PLA2G4A: variants seen among roughly 807,000 people sequenced by gnomAD.
PLA2G4A encodes the protein phospholipase A2 group IVA, also known as cytosolic phospholipase A2.
Under a neutral mutation model 81.9 loss-of-function variants are expected in PLA2G4A, and 40 were observed. That is an observed-to-expected ratio of 0.49 (90% confidence interval 0.38 to 0.64). The LOEUF (loss-of-function observed/expected upper bound fraction) is 0.64, where lower values mean the gene tolerates loss of function less well. Among genes scored for constraint, PLA2G4A ranks in the 30% least tolerant of loss-of-function variants. The probability of loss-of-function intolerance (pLI) is 0.00; values close to 1 mark genes in which losing one functional copy is unlikely to be tolerated. For missense variants in PLA2G4A, 715 were observed against 905.1 expected (o/e 0.79, Z 2.69); for synonymous variants, 302 against 296.9 (o/e 1.02, Z -0.18).
intron 15 of PLA2G4A, 110 bp from the exon 16 acceptor site, chr1:186,977,483 G>A (rs1409747745): frequency 1.4e-6 from 1 of 723,872 alleles, no homozygotes; most frequent in Non-Finnish European, 2.5e-6. Flanking sequence ...CTAGCAAGGA[G>A]TACATTGCTG....
chr1:186,968,905 A>G (rs529354316), intron 15 of PLA2G4A, among the ~76,000 whole-genome samples: 275 of 150,916 alleles, frequency 1.8e-3, no homozygotes, highest in African/African-American at 6.5e-3. Context: ...CGAAGTAAAA[A>G]AAAATTTATA....
At chr1:186,881,511 C>G (rs1247410798) in intron 3 of PLA2G4A, among the ~76,000 whole-genome samples, 5 of 152,040 alleles carry the variant, frequency 3.3e-5, no homozygotes, top group Non-Finnish European at 7.4e-5. Flanking sequence ...GCATCTATAG[C>G]CATAACGCTT....
At chr1:186,905,698 TCACACA>T (rs71104895) in intron 5 of PLA2G4A, among the ~76,000 whole-genome samples, 1 of 148,906 alleles carries the variant, frequency 6.7e-6, no homozygotes, top group Non-Finnish European at 1.5e-5. Context: ...CTCCTCCTCC[TCACACA>T]CACACACACA....
intron 5 of PLA2G4A, among the ~76,000 whole-genome samples, chr1:186,902,503 C>T (rs1207734417): frequency 6.6e-6 from 1 of 152,100 alleles, no homozygotes; most frequent in Non-Finnish European, 1.5e-5. Flanking sequence ...TCCATACCAC[C>T]CCCCAAAATT....
chr1:186,946,176 CAGTT>C (rs1399674104), intron 10 of PLA2G4A, among the ~76,000 whole-genome samples: 14 of 152,064 alleles, frequency 9.2e-5, no homozygotes. Context: ...TTAGAATAGA[CAGTT>C]AGTGAGCAAA....
At chr1:186,953,666 T>C (rs1410196025) in intron 13 of PLA2G4A, among the ~76,000 whole-genome samples, 1 of 152,208 alleles carries the variant, frequency 6.6e-6, no homozygotes, top group African/African-American at 2.4e-5. Context: ...AGCAAATGCA[T>C]ACAAAAGGGC....
intron 5 of PLA2G4A, among the ~76,000 whole-genome samples, chr1:186,896,368 A>C (rs760045565): frequency 1.3e-5 from 2 of 152,232 alleles, no homozygotes; most frequent in Non-Finnish European, 2.9e-5. Context: ...AGAGTCTTGA[A>C]AGAAGAAAGC....
In PLA2G4A at chr1:186,908,818, A is replaced by G. The variant is rs886330917; in HGVS notation, c.416+1816A>G. ...CAAAATGAAAACCTTATTTAGGGAC[A>G]TAAATATATATTGTAAAATTATAAA... On this transcript the variant is annotated intron_variant, in intron 6 of 17. Transcript: ENST00000367466. Among the ~76,000 whole-genome samples the G allele has an allele frequency of 5.2e-4, 79 of 152,074 alleles. 1 individual carries two copies. Among genetic ancestry groups the G allele is most frequent in the African/African-American group, 1.9e-3 (78 of 41,528 alleles).
chr1:186,923,114 A>G (rs1655415153), intron 7 of PLA2G4A, among the ~76,000 whole-genome samples: 1 of 152,194 alleles, frequency 6.6e-6, no homozygotes, highest in Non-Finnish European at 1.5e-5. Context: ...AGACAATATG[A>G]GGAGTGGTCT....
At chr1:186,986,951 C>A (rs139541076) in intron 17 of PLA2G4A, among the ~76,000 whole-genome samples, 3 of 152,184 alleles carry the variant, frequency 2.0e-5, no homozygotes, top group Admixed American at 2.0e-4. Flanking sequence ...TTTACCTTAA[C>A]GGACTCATTC....
At chr1:186,948,912 G>A (rs570098566) in intron 12 of PLA2G4A, among the ~76,000 whole-genome samples, 1 of 152,226 alleles carries the variant, frequency 6.6e-6, no homozygotes, top group Non-Finnish European at 1.5e-5. Flanking sequence ...AGGACTCTGA[G>A]GACTCCTGGT....
intron 5 of PLA2G4A, among the ~76,000 whole-genome samples, chr1:186,894,845 G>A: frequency 6.6e-6 from 1 of 152,106 alleles, no homozygotes; most frequent in Non-Finnish European, 1.5e-5. Flanking sequence ...TAAACTCATT[G>A]GATTTTGAAT....
chr1:186,984,581 T>C (rs1235335580), intron 17 of PLA2G4A, among the ~76,000 whole-genome samples: 1 of 152,222 alleles, frequency 6.6e-6, no homozygotes, highest in Non-Finnish European at 1.5e-5. Context: ...ATTTCTTAAT[T>C]CATTAATTCA....
intron 12 of PLA2G4A, among the ~76,000 whole-genome samples, chr1:186,949,732 G>A (rs921995760): frequency 6.6e-6 from 1 of 151,886 alleles, no homozygotes; most frequent in African/African-American, 2.4e-5. Flanking sequence ...CTTGAAAAAA[G>A]ACAACTAGTC....
At chr1:186,969,743 A>AT (rs61377388) in intron 15 of PLA2G4A, among the ~76,000 whole-genome samples, 1 of 151,568 alleles carries the variant, frequency 6.6e-6, no homozygotes. Context: ...GGATTTCATT[A>AT]TTTTTTTTAT....
intron 13 of PLA2G4A, among the ~76,000 whole-genome samples, chr1:186,955,734 C>CTTTTT (rs59494152): frequency 0.063 from 6,846 of 108,754 alleles, 515 homozygotes; most frequent in African/African-American, 0.095. Flanking sequence ...AAGAAGATCC[C>CTTTTT]TTTTTTTTTT....
intron 2 of PLA2G4A, among the ~76,000 whole-genome samples, chr1:186,868,796 T>C (rs927460012): frequency 2.6e-5 from 4 of 152,176 alleles, no homozygotes; most frequent in African/African-American, 9.6e-5. Context: ...TTCATCTAGG[T>C]TATCAAATTC....
intron 3 of PLA2G4A, among the ~76,000 whole-genome samples, chr1:186,873,680 T>G (rs1653368335): frequency 6.6e-6 from 1 of 152,248 alleles, no homozygotes; most frequent in African/African-American, 2.4e-5. Flanking sequence ...CATGCTACCC[T>G]AACTACCTAC....
At chr1:186,974,485 ACT>A (rs552165963) in intron 15 of PLA2G4A, among the ~76,000 whole-genome samples, 24 of 152,164 alleles carry the variant, frequency 1.6e-4, no homozygotes, top group Non-Finnish European at 1.2e-4. Context: ...GCAGAGTGAG[ACT>A]CTGTCAAACA....
Sources: gnomAD v4.1 joint callset for allele counts (sites outside exome capture counted in the v4.1 genomes callset) on GRCh38, gnomAD v4.1.1 for gene constraint, MANE v1.5 for transcripts, NCBI Gene and HGNC (gene_info 2026-07-23, HGNC 2026-07-21) for gene names.